Variants in EPB41L4B observed in about 807,000 individuals in gnomAD.
EPB41L4B encodes band 4.1-like protein 4B.
EPB41L4B carries 30 observed loss-of-function variants against 112.5 expected under a neutral mutation model. The observed-to-expected ratio is 0.27, with a 90% CI of 0.20 to 0.36. The LOEUF is 0.36. Among genes scored for constraint, EPB41L4B ranks in the 10% least tolerant of loss-of-function variants. The pLI is 1.00. For missense variants in EPB41L4B, 1,024 were observed against 1,133.3 expected (o/e 0.90, Z 1.38); for synonymous variants, 408 against 439.7 (o/e 0.93, Z 0.90).
chr9:109,241,828 G>A lies in EPB41L4B; in HGVS notation c.1409+1790C>T, dbSNP rs748885683. On this transcript the variant is annotated intron_variant, in intron 15 of 25. Coordinates refer to ENST00000374566, the MANE Select transcript of EPB41L4B (RefSeq NM_019114.5). ...GGATGGCCTGTTTTGTTTGCAGAGC[G>A]AATGGTTAGTGGGAGAATGGAAGAA... is the stretch of plus-strand genomic sequence containing the variant. 7 of 1,613,662 alleles carry A rather than the reference G, an allele frequency of 4.3e-6. No homozygotes were observed. The East Asian group carries it at 6.7e-5, about 15-fold the overall frequency.
rs377121041 is a variant in EPB41L4B, at chr9:109,290,935, T to A, written c.307-11014A>T. On this transcript the variant is annotated intron_variant, in intron 1 of 25. Transcript: ENST00000374566. ...ATTTCATCATGAGTAAGAAATACCA[T>A]CTCAGCCATCAGCAAGATTTGGTGA... Among the ~76,000 whole-genome samples, 12 of 152,212 alleles carry A rather than the reference T, an allele frequency of 7.9e-5. No individual in the cohort carries two copies. The East Asian group carries it at 1.7e-3, about 22-fold the overall frequency.
At chr9:109,180,035 A>G (rs963109939) in intron 24 of EPB41L4B, among the ~76,000 whole-genome samples, 3 of 152,132 alleles carry the variant, frequency 2.0e-5, no homozygotes, top group African/African-American at 4.8e-5. Context: ...TGTGGCCTAC[A>G]AGGCCAACAT....
chr9:109,189,143 C>T (rs190895421), intron 22 of EPB41L4B, among the ~76,000 whole-genome samples: 73 of 152,290 alleles, frequency 4.8e-4, no homozygotes, highest in Middle Eastern at 6.8e-3. Context: ...TTCTCACCCA[C>T]GTATTCCACC....
chr9:109,279,034 G>A (rs944310315), intron 2 of EPB41L4B, among the ~76,000 whole-genome samples: 1 of 152,076 alleles, frequency 6.6e-6, no homozygotes, highest in African/African-American at 2.4e-5. Flanking sequence ...AGCAAGACCT[G>A]CTCCAACCCC....
intron 23 of EPB41L4B, among the ~76,000 whole-genome samples, chr9:109,184,665 T>C (rs181212933): frequency 6.6e-6 from 1 of 152,376 alleles, no homozygotes; most frequent in Admixed American, 6.5e-5. Flanking sequence ...AGTCACTCTC[T>C]TCTGATGGCA....
intron 13 of EPB41L4B, 33 bp from the exon 14 acceptor site, chr9:109,247,822 AAAAG>A: frequency 6.9e-7 from 1 of 1,456,720 alleles, no homozygotes. Context: ...AACAGAAAAA[AAAAG>A]AAAAATAGGT....
Position 109,264,966 on chromosome 9 carries a change from A to G in EPB41L4B, c.578+14T>C, listed in dbSNP as rs1588185970. On this transcript the variant is annotated intron_variant, in intron 5 of 25. Transcript: ENST00000374566. ...TCTATCCTGGGTTAAGAGTTAGAAC[A>G]AAAACATACTTACTTTCCAGAAAGA... 6.2e-7 allele frequency: 1 copy of G among 1,601,410 alleles called. No individual in the cohort carries two copies. The highest frequency in any genetic ancestry group is 2.2e-5 in the East Asian group (1 of 44,608).
rs111720332 is a variant in EPB41L4B at position 109,214,753 on chromosome 9, G to A, written c.1634-935C>T. On this transcript the variant is annotated intron_variant, in intron 16 of 25. Coordinates refer to ENST00000374566, the MANE Select transcript of EPB41L4B (RefSeq NM_019114.5). The stretch of plus-strand genomic sequence containing the variant: ...AGTGGAGGGAAGAATGAAGACCTTG[G>A]CAGGGGTCAGGATACGCAAGGTCTG... 1.1e-4 allele frequency among the ~76,000 whole-genome samples: 17 copies of A among 152,238 alleles called. 1 individual carries two copies. Among genetic ancestry groups the A allele is most frequent in the African/African-American group, 3.6e-4 (15 of 41,546 alleles).
intron 6 of EPB41L4B, 35 bp from the exon 7 acceptor site, chr9:109,258,332 C>T: frequency 6.3e-7 from 1 of 1,599,608 alleles, no homozygotes. Flanking sequence ...AAATAGGAGA[C>T]ATTGAATGAT....
At chr9:109,291,732 C>A (rs1259528034) in intron 1 of EPB41L4B, among the ~76,000 whole-genome samples, 3 of 152,162 alleles carry the variant, frequency 2.0e-5, no homozygotes, top group Non-Finnish European at 4.4e-5. Flanking sequence ...TGGAAGGAGG[C>A]ATTGATGATC....
intron 18 of EPB41L4B, among the ~76,000 whole-genome samples, chr9:109,205,467 T>A (rs376380184): frequency 1.3e-5 from 2 of 152,230 alleles, no homozygotes; most frequent in African/African-American, 2.4e-5. Flanking sequence ...ATGTAGATAA[T>A]TACAGCTTTG....
intron 15 of EPB41L4B, chr9:109,241,823 A>C (rs568180220): frequency 1.9e-6 from 3 of 1,614,092 alleles, no homozygotes; most frequent in East Asian, 2.2e-5. Flanking sequence ...TTTTGTTTGC[A>C]GAGCGAATGG....
chr9:109,273,442 T>C (rs747812329), intron 2 of EPB41L4B, among the ~76,000 whole-genome samples: 56 of 152,178 alleles, frequency 3.7e-4, no homozygotes, highest in Non-Finnish European at 6.6e-4. Flanking sequence ...AAACAGGGTT[T>C]TGCCATGTTG....
intron 1 of EPB41L4B, among the ~76,000 whole-genome samples, chr9:109,282,851 C>T (rs1002601699): frequency 3.3e-5 from 5 of 151,958 alleles, no homozygotes; most frequent in African/African-American, 4.8e-5. Context: ...CCACCAAGCC[C>T]GGCTTATTTT....
intron 1 of EPB41L4B, among the ~76,000 whole-genome samples, chr9:109,305,842 T>G (rs956301405): frequency 6.6e-6 from 1 of 152,080 alleles, no homozygotes; most frequent in Non-Finnish European, 1.5e-5. Flanking sequence ...CAGAATCGCT[T>G]GAATGCGGGA....
chr9:109,310,403 G>A (rs962852044), intron 1 of EPB41L4B, among the ~76,000 whole-genome samples: 8 of 152,186 alleles, frequency 5.3e-5, no homozygotes, highest in African/African-American at 1.9e-4. Flanking sequence ...CACAGCATTG[G>A]TGATGGTCTT....
Position 109,320,585 on chromosome 9 carries a change from CG to C in EPB41L4B, c.-140del, listed in dbSNP as rs1837836807. The C allele has an allele frequency of 3.2e-6, 1 of 309,604 alleles. No homozygotes were observed. Among genetic ancestry groups the C allele is most frequent in the Non-Finnish European group, 4.6e-6 (1 of 216,654 alleles). 19.2% of individuals were successfully genotyped at this position (309,604 alleles called of 1,614,324 possible). A position where few individuals can be genotyped will look rare whatever the true frequency, so the allele number is the denominator to read the frequency against. On this transcript the variant is annotated 5_prime_UTR_variant, in exon 1 of 26. Coordinates refer to ENST00000374566, the MANE Select transcript of EPB41L4B (RefSeq NM_019114.5). The stretch of plus-strand genomic sequence containing the variant: ...GCGCCGCCTCTCGCGGGCTACGGCC[CG>C]GGGCAAGCCCGCGCCGAGGCCGAGG...
At chr9:109,307,850 G>A (rs1290114040) in intron 1 of EPB41L4B, among the ~76,000 whole-genome samples, 1 of 152,112 alleles carries the variant, frequency 6.6e-6, no homozygotes, top group African/African-American at 2.4e-5. Flanking sequence ...TCTCAGAGGG[G>A]CAAAGAGGCT....
chr9:109,290,079 C>T (rs1425856711), intron 1 of EPB41L4B, among the ~76,000 whole-genome samples: 2 of 152,168 alleles, frequency 1.3e-5, no homozygotes, highest in African/African-American at 2.4e-5. Flanking sequence ...GGCATGACTG[C>T]ACACAGTTGT....
Sources: gnomAD v4.1 joint callset for allele counts (sites outside exome capture counted in the v4.1 genomes callset) on GRCh38, gnomAD v4.1.1 for gene constraint, MANE v1.5 for transcripts, NCBI Gene and HGNC (gene_info 2026-07-23, HGNC 2026-07-21) for gene names.